Variants in CD6 observed in about 807,000 individuals in gnomAD.
CD6 encodes CD6 molecule.
CD6 carries 53 observed loss-of-function variants against 75.3 expected under a neutral mutation model. The ratio of observed to expected loss-of-function variants is 0.70; its 90% CI spans 0.56 to 0.88. CD6 has a LOEUF of 0.88. Ranked by LOEUF, CD6 falls within the 40% of genes least tolerant of loss-of-function variation. The probability of loss-of-function intolerance (pLI) is 0.00; values close to 1 mark genes in which losing one functional copy is unlikely to be tolerated. For missense variants in CD6, 770 were observed against 897.1 expected, an observed-to-expected ratio of 0.86 and a Z score of 1.81; for synonymous variants, 359 against 381.5, an observed-to-expected ratio of 0.94 and a Z score of 0.69.
In CD6 at chr11:61,007,044, G is replaced by A. The variant is rs977222925; in HGVS notation, c.118+402G>A. Among the ~76,000 whole-genome samples, 1 of 152,062 alleles carries A rather than the reference G, an allele frequency of 6.6e-6. No individual in the cohort carries two copies. The highest frequency in any genetic ancestry group is 2.4e-5 in the African/African-American group (1 of 41,384). On this transcript the variant is annotated intron_variant, in intron 2 of 12. Coordinates refer to ENST00000313421, the MANE Select transcript of CD6 (RefSeq NM_006725.5). This position sits in a 1 kb window ranked among gnomAD's most constrained non-coding sequence, Gnocchi z 4.2. ...GGGGCAGGTGGTTCCCATAGAAGGG[G>A]TTCTGGGGAAGTGAGGACCACCATC...
Position 61,007,878 on chromosome 11 carries a change from G to A in CD6, c.437G>A (p.Ser146Asn), listed in dbSNP as rs1436694654. 9 of 1,378,158 alleles carry A rather than the reference G, an allele frequency of 6.5e-6. No homozygotes were observed. The South Asian group carries it at 1.3e-4, about 20-fold the overall frequency. 85.4% of individuals were successfully genotyped at this position (1,378,158 alleles called of 1,614,324 possible). Residue 146 changes from serine (S) to asparagine (N), a missense_variant, in exon 3 of 13, where the codon AGC becomes AAC. Transcript: ENST00000313421. This position sits in a 1 kb window ranked among gnomAD's most constrained non-coding sequence, Gnocchi z 4.2. ...GAGGTGGTGGAGCACGCGTGCCGCAGCGACGGGAGGCGGGCCCGTGTCACC... is the reference window on the plus strand; with the variant it reads ...GAGGTGGTGGAGCACGCGTGCCGCAACGACGGGAGGCGGGCCCGTGTCACC... ...LCEVVEHACR[S>N]DGRRARVTCA...
At chr11:60,988,119 C>G (rs777328667) in intron 1 of CD6, 1 of 152,226 alleles carries the variant, frequency 6.6e-6, no homozygotes, top group Non-Finnish European at 1.5e-5. Context: ...AGTCTGGCTC[C>G]GCCTCTTAGT....
Position 60,971,819 on chromosome 11 carries a change from T to G in CD6, c.-47T>G. ...TGTCCACCTCCCGGCCCCAAGATGGTGCTTCCCACAGGCAGCCACGCGTAG... is the reference window on the plus strand; with the variant it reads ...TGTCCACCTCCCGGCCCCAAGATGGGGCTTCCCACAGGCAGCCACGCGTAG... On this transcript the variant is annotated 5_prime_UTR_variant, in exon 1 of 13. Transcript: ENST00000313421. The G allele has an allele frequency of 6.2e-7, 1 of 1,603,820 alleles. No homozygotes were observed.
At position 61,013,993 on chromosome 11, in the gene CD6, C is replaced by T. The variant is rs1012656009; in HGVS notation, c.1366C>T (p.Pro456Ser). 5.1e-5 allele frequency: 82 copies of T among 1,613,314 alleles called. No homozygotes were observed. Among genetic ancestry groups the T allele is most frequent in the Non-Finnish European group, 6.9e-5 (81 of 1,179,668 alleles). The change falls in exon 8 of 13, where the codon CCC becomes TCC. Residue 456 changes from proline (P) to serine (S), a missense_variant. Coordinates refer to ENST00000313421, the MANE Select transcript of CD6 (RefSeq NM_006725.5). ...PAGSNSYQPV[P>S]ITIPKEVFML... ...AGGGAGCAATAGCTATCAACCGGTC[C>T]CCATCACCATCCCCAAAGAAGGTAG...
intron 1 of CD6, among the ~76,000 whole-genome samples, chr11:60,980,194 G>A (rs1320918341): frequency 6.6e-6 from 1 of 152,146 alleles, no homozygotes; most frequent in Non-Finnish European, 1.5e-5. Context: ...CTTCTTATGA[G>A]TCCATAGTTT....
At chr11:60,978,053 A>C (rs1857425772) in intron 1 of CD6, among the ~76,000 whole-genome samples, 1 of 152,178 alleles carries the variant, frequency 6.6e-6, no homozygotes, top group Non-Finnish European at 1.5e-5. Context: ...TCCTCCTCCA[A>C]GTCTGTAATT....
intron 2 of CD6, among the ~76,000 whole-genome samples, chr11:61,006,989 T>C (rs1442692546): frequency 2.0e-5 from 3 of 152,070 alleles, no homozygotes; most frequent in African/African-American, 4.8e-5. Context: ...AGATGCATGC[T>C]AGCACTGGGG....
chr11:60,991,648 C>CT (rs60383731), intron 1 of CD6, among the ~76,000 whole-genome samples: 4,136 of 151,924 alleles, frequency 0.027, 192 homozygotes, highest in African/African-American at 0.093. Context: ...TTATGGTAAT[C>CT]TTTCCTTAGC....
At chr11:61,000,397 C>T (rs535395392) in intron 1 of CD6, among the ~76,000 whole-genome samples, 2 of 152,206 alleles carry the variant, frequency 1.3e-5, no homozygotes, top group South Asian at 2.1e-4. Flanking sequence ...ATGTTTCCAT[C>T]GTCCCTTTCC....
chr11:60,986,848 C>T (rs970057722), intron 1 of CD6, among the ~76,000 whole-genome samples: 1 of 152,188 alleles, frequency 6.6e-6, no homozygotes, highest in Non-Finnish European at 1.5e-5. Context: ...ATTGTCTCTC[C>T]CTGGCGCCGT....
chr11:60,997,370 C>T (rs1858349184), intron 1 of CD6, among the ~76,000 whole-genome samples: 1 of 144,530 alleles, frequency 6.9e-6, no homozygotes, highest in East Asian at 2.0e-4. Context: ...TAGGGCGAGA[C>T]TCCGTCTCAA....
chr11:60,993,296 G>A (rs147651946), intron 1 of CD6, among the ~76,000 whole-genome samples: 2 of 152,148 alleles, frequency 1.3e-5, no homozygotes, highest in African/African-American at 4.8e-5. Flanking sequence ...GAGTGAGGAG[G>A]AGAGAATGCA....
intron 1 of CD6, among the ~76,000 whole-genome samples, chr11:61,003,605 G>A (rs11230560): frequency 0.18 from 27,617 of 152,100 alleles, 3,079 homozygotes; most frequent in Middle Eastern, 0.31. Context: ...ATCGTGGCAA[G>A]CGCCTGTAGT....
chr11:60,991,149 C>CTTTTTTTTTT (rs58123378), intron 1 of CD6, among the ~76,000 whole-genome samples: 20 of 114,710 alleles, frequency 1.7e-4, no homozygotes, highest in African/African-American at 2.3e-4. Context: ...CTTTTTCTTT[C>CTTTTTTTTTT]TTTTTTTTTT....
intron 1 of CD6, among the ~76,000 whole-genome samples, chr11:60,997,318 C>A (rs1426110212): frequency 6.7e-6 from 1 of 149,862 alleles, no homozygotes; most frequent in Admixed American, 6.7e-5. Flanking sequence ...ATGGAGGTTG[C>A]GGTGAGCCCA....
intron 1 of CD6, among the ~76,000 whole-genome samples, chr11:60,992,224 T>G (rs1459388356): frequency 6.6e-6 from 1 of 151,658 alleles, no homozygotes; most frequent in African/African-American, 2.4e-5. Flanking sequence ...AGGGTCTCAC[T>G]GTGTTGCCCA....
chr11:60,979,549 C>T (rs184648963), intron 1 of CD6, among the ~76,000 whole-genome samples: 1 of 152,036 alleles, frequency 6.6e-6, no homozygotes, highest in Non-Finnish European at 1.5e-5. Flanking sequence ...TCACTGCAAC[C>T]TCCGCCTCCC....
At chr11:61,013,387 T>G (rs367680873) in intron 6 of CD6, 36 bp from the exon 7 acceptor site, 1 of 1,611,238 alleles carries the variant, frequency 6.2e-7, no homozygotes, top group African/African-American at 1.3e-5. Context: ...GAGTGCCCAT[T>G]CCTCTTTCTT....
intron 1 of CD6, among the ~76,000 whole-genome samples, chr11:60,992,213 T>G (rs983116090): frequency 1.3e-5 from 2 of 150,790 alleles, no homozygotes; most frequent in African/African-American, 4.9e-5. Context: ...TTTGTAGAGA[T>G]AGGGTCTCAC....
Sources: allele counts gnomAD v4.1 joint callset (sites outside exome capture counted in the v4.1 genomes callset), GRCh38; gene constraint gnomAD v4.1.1; non-coding constraint Gnocchi (gnomAD v3.1); transcripts MANE v1.5; gene names NCBI Gene and HGNC (gene_info 2026-07-23, HGNC 2026-07-21).